Variants in STARD3NL observed in about 807,000 individuals in gnomAD.
The protein encoded by STARD3NL is STARD3 N-terminal-like protein.
STARD3NL carries 17 observed loss-of-function variants against 30.9 expected under a neutral mutation model. The ratio of observed to expected loss-of-function variants is 0.55; its 90% CI spans 0.38 to 0.82. The LOEUF (loss-of-function observed/expected upper bound fraction) is 0.82, where lower values mean the gene tolerates loss of function less well. Among genes scored for constraint, STARD3NL ranks in the 40% least tolerant of loss-of-function variants. The pLI is 0.00. For missense variants in STARD3NL, 234 were observed against 277.6 expected (o/e 0.84, Z 1.12); for synonymous variants, 112 against 100.5 (o/e 1.11, Z -0.69).
In STARD3NL at chr7:38,207,693, C is replaced by A. The variant is rs148725551; in HGVS notation, c.189C>A (p.Leu63=). The change falls in exon 2 of 9, where the codon CTC becomes CTA. Residue 63 remains leucine, a synonymous_variant. Coordinates refer to ENST00000009041, the MANE Select transcript of STARD3NL (RefSeq NM_032016.4). ...RTFCLFVTFD[L]LFVTLLWIIE... ...TCTGTTTGTTTGTCACCTTTGACCTCTTATTCGTAACATTACTGTGGATAA... is the reference window on the plus strand; with the variant it reads ...TCTGTTTGTTTGTCACCTTTGACCTATTATTCGTAACATTACTGTGGATAA... 8.7e-6 allele frequency: 14 copies of A among 1,614,048 alleles called. No homozygotes were observed. Among genetic ancestry groups the A allele is most frequent in the Non-Finnish European group, 1.2e-5 (14 of 1,179,944 alleles).
intron 7 of STARD3NL, among the ~76,000 whole-genome samples, chr7:38,224,508 A>G (rs1178976309): frequency 6.6e-6 from 1 of 152,202 alleles, no homozygotes; most frequent in Non-Finnish European, 1.5e-5. Context: ...AATTCCAGAA[A>G]TAAACAGTCC....
rs759438361 is a variant in STARD3NL, at chr7:38,228,866, G to A, written c.*12G>A. 4 of 1,607,528 alleles carry A rather than the reference G, an allele frequency of 2.5e-6. No homozygotes were observed. Among genetic ancestry groups the A allele is most frequent in the Non-Finnish European group, 3.4e-6 (4 of 1,175,612 alleles). Reference sequence around the variant, plus strand: ...TTTTAGAACTATGAGTACTACTTTTGTTAAAGTAAGTGTTTGAAATGAAAC... The same window carrying A: ...TTTTAGAACTATGAGTACTACTTTTATTAAAGTAAGTGTTTGAAATGAAAC... On this transcript the variant is annotated 3_prime_UTR_variant, in exon 8 of 9. Coordinates refer to ENST00000009041, the MANE Select transcript of STARD3NL (RefSeq NM_032016.4).
At chr7:38,219,178 C>T (rs1235149746) in intron 6 of STARD3NL, among the ~76,000 whole-genome samples, 2 of 152,122 alleles carry the variant, frequency 1.3e-5, no homozygotes, top group Non-Finnish European at 2.9e-5. Flanking sequence ...TCCCCAGTAG[C>T]TGGGACTACA....
intron 2 of STARD3NL, among the ~76,000 whole-genome samples, chr7:38,213,742 T>C (rs984087644): frequency 5.3e-5 from 8 of 152,218 alleles, no homozygotes; most frequent in Non-Finnish European, 7.3e-5. Context: ...GACAGTAGCA[T>C]TGGGAGAGGA....
intron 7 of STARD3NL, among the ~76,000 whole-genome samples, chr7:38,228,147 A>G (rs1224455225): frequency 6.6e-6 from 1 of 152,220 alleles, no homozygotes; most frequent in Non-Finnish European, 1.5e-5. Flanking sequence ...AGTGGATACA[A>G]GATATGTTAT....
At position 38,202,362 on chromosome 7, in the gene STARD3NL, A is replaced by G. The variant is rs990380592; in HGVS notation, c.-58-5085A>G. Among the ~76,000 whole-genome samples, 3 of 152,214 alleles carry G rather than the reference A, an allele frequency of 2.0e-5. No homozygotes were observed. In the East Asian group the frequency reaches 5.8e-4, roughly 29 times the overall value. On this transcript the variant is annotated intron_variant, in intron 1 of 8. Transcript: ENST00000009041. ...CCTAATGTTGCCTATATTGGCAGAA[A>G]AGAAAGGGAAAGGCTGCTTAGGGTT... is the stretch of plus-strand genomic sequence containing the variant.
intron 1 of STARD3NL, among the ~76,000 whole-genome samples, chr7:38,187,128 CCAGCTGGCTGACT>C (rs1264755750): frequency 1.3e-5 from 2 of 152,156 alleles, no homozygotes; most frequent in African/African-American, 4.8e-5. Context: ...CTCCAACATG[CCAGCTGGCTGACT>C]CAGCCCATGC....
At chr7:38,207,819 T>C in intron 2 of STARD3NL, 90 bp downstream of exon 2, 1 of 1,239,668 alleles carries the variant, frequency 8.1e-7, no homozygotes, top group Non-Finnish European at 1.1e-6. Context: ...TTTGTTTCAT[T>C]TAGTAATTTC....
chr7:38,205,424 T>G (rs963496291), intron 1 of STARD3NL, among the ~76,000 whole-genome samples: 14 of 152,150 alleles, frequency 9.2e-5, no homozygotes, highest in Non-Finnish European at 1.6e-4. Flanking sequence ...TGTATTCCAT[T>G]TAGTATTTGA....
At chr7:38,208,355 G>A (rs1785609871) in intron 2 of STARD3NL, among the ~76,000 whole-genome samples, 1 of 152,098 alleles carries the variant, frequency 6.6e-6, no homozygotes, top group Non-Finnish European at 1.5e-5. Context: ...GAGGCATTTG[G>A]AGGTTTATGC....
chr7:38,181,784 G>T (rs1784257634), intron 1 of STARD3NL, among the ~76,000 whole-genome samples: 1 of 152,114 alleles, frequency 6.6e-6, no homozygotes, highest in African/African-American at 2.4e-5. Context: ...TGAAGACCCA[G>T]GTCATCATGA....
At chr7:38,188,025 C>T (rs769231514) in intron 1 of STARD3NL, among the ~76,000 whole-genome samples, 23 of 152,306 alleles carry the variant, frequency 1.5e-4, no homozygotes, top group East Asian at 1.2e-3. Context: ...GGAGTCAGTA[C>T]GTCATCTCTC....
chr7:38,178,556 G>T (rs1181522638), intron 1 of STARD3NL, 136 bp downstream of exon 1: 2 of 152,674 alleles, frequency 1.3e-5, no homozygotes, highest in Non-Finnish European at 2.9e-5. Flanking sequence ...CCTGAGTCCT[G>T]CGCGAGCCTC....
intron 7 of STARD3NL, among the ~76,000 whole-genome samples, chr7:38,221,353 A>C (rs1786451632): frequency 6.6e-6 from 1 of 151,870 alleles, no homozygotes; most frequent in South Asian, 2.1e-4. Flanking sequence ...GTGTCTAATC[A>C]CTCCTCCATT....
intron 7 of STARD3NL, 28 bp downstream of exon 7, chr7:38,219,688 TG>T (rs1786338857): frequency 6.3e-7 from 1 of 1,576,122 alleles, no homozygotes; most frequent in Admixed American, 1.7e-5. Context: ...TATTTGTGCT[TG>T]TATCTCTCAT....
chr7:38,222,923 T>C (rs1180272313), intron 7 of STARD3NL, among the ~76,000 whole-genome samples: 1 of 152,142 alleles, frequency 6.6e-6, no homozygotes, highest in East Asian at 1.9e-4. Context: ...AAAAGACTAC[T>C]CTAGAGCAAA....
chr7:38,223,481 A>T (rs1287301956), intron 7 of STARD3NL, among the ~76,000 whole-genome samples: 1 of 152,160 alleles, frequency 6.6e-6, no homozygotes, highest in Non-Finnish European at 1.5e-5. Context: ...TAAAATGAGG[A>T]ATTGCTCAAT....
chr7:38,190,525 A>T (rs1784642667), intron 1 of STARD3NL, among the ~76,000 whole-genome samples: 1 of 152,222 alleles, frequency 6.6e-6, no homozygotes, highest in Non-Finnish European at 1.5e-5. Context: ...AAACAGCCTT[A>T]TGCCCTTACG....
At chr7:38,182,772 A>T (rs1241198007) in intron 1 of STARD3NL, among the ~76,000 whole-genome samples, 1 of 152,182 alleles carries the variant, frequency 6.6e-6, no homozygotes, top group Non-Finnish European at 1.5e-5. Context: ...TGGGTATGGA[A>T]TCAAGTTCAG....
Sources: gnomAD v4.1 joint callset for allele counts (sites outside exome capture counted in the v4.1 genomes callset) on GRCh38, gnomAD v4.1.1 for gene constraint, MANE v1.5 for transcripts, NCBI Gene and HGNC (gene_info 2026-07-23, HGNC 2026-07-21) for gene names.